Variants in ASIC2 observed in about 807,000 individuals in gnomAD.
ASIC2 encodes acid-sensing ion channel 2.
Under a neutral mutation model 57.3 loss-of-function variants are expected in ASIC2, and 25 were observed. The observed-to-expected ratio is 0.44, with a 90% CI of 0.32 to 0.61. The LOEUF is 0.61. Ranked by LOEUF, ASIC2 falls within the 20% of genes least tolerant of loss-of-function variation. ASIC2 has a pLI of 0.06. For synonymous variants in ASIC2, 319 were observed against 307.5 expected (o/e 1.04, Z -0.39); for missense variants, 641 against 738.1 (o/e 0.87, Z 1.52).
chr17:33,971,918 C>T (rs907719942), intron 1 of ASIC2, among the ~76,000 whole-genome samples: 5 of 152,020 alleles, frequency 3.3e-5, no homozygotes, highest in East Asian at 1.9e-4. Flanking sequence ...AATTCTTCCC[C>T]GAGACTGAGA....
At chr17:33,280,815 C>T (rs894327478) in intron 1 of ASIC2, among the ~76,000 whole-genome samples, 7 of 152,202 alleles carry the variant, frequency 4.6e-5, no homozygotes, top group African/African-American at 1.7e-4. Flanking sequence ...CAAACCTCAT[C>T]TGCTTTCCTG....
At chr17:33,576,021 A>C (rs1916610503) in intron 1 of ASIC2, among the ~76,000 whole-genome samples, 1 of 152,232 alleles carries the variant, frequency 6.6e-6, no homozygotes, top group Admixed American at 6.5e-5. Context: ...ATTGTTTTAA[A>C]TAAAAAACTG....
chr17:34,137,457 C>A (rs1912156545), intron 1 of ASIC2, among the ~76,000 whole-genome samples: 1 of 152,210 alleles, frequency 6.6e-6, no homozygotes, highest in South Asian at 2.1e-4. Context: ...GGTTTGTTAG[C>A]ATGCCAGATA....
In ASIC2 at chr17:33,371,914, A is replaced by G. The variant is rs533924357; in HGVS notation, c.556-259847T>C. On this transcript the variant is annotated intron_variant, in intron 1 of 9. Transcript: ENST00000359872. ...GTATGAATTTGTTTGTGCAGGGCAT[A>G]GGAGCAGACGGTGAGGACAGGGGTA... Among the ~76,000 whole-genome samples the G allele has an allele frequency of 2.6e-5, 4 of 152,262 alleles. No individual in the cohort carries two copies. The South Asian group carries it at 8.3e-4, about 32-fold the overall frequency.
At chr17:33,165,468 T>TGC (rs1176373652) in intron 1 of ASIC2, among the ~76,000 whole-genome samples, 2 of 152,086 alleles carry the variant, frequency 1.3e-5, no homozygotes, top group African/African-American at 2.4e-5. Context: ...TGTGTGTGTG[T>TGC]GCGTGCATGC....
intron 1 of ASIC2, among the ~76,000 whole-genome samples, chr17:33,525,670 A>G (rs572191617): frequency 9.2e-5 from 14 of 152,362 alleles, no homozygotes; most frequent in African/African-American, 2.9e-4. Flanking sequence ...CGGACTGACC[A>G]GCTCCCACAA....
chr17:33,978,049 T>C (rs1220538934), intron 1 of ASIC2, among the ~76,000 whole-genome samples: 1 of 152,086 alleles, frequency 6.6e-6, no homozygotes, highest in East Asian at 1.9e-4. Context: ...CCCTTGAAGG[T>C]GGGGCAGGAA....
At chr17:33,653,886 T>G (rs1906998386) in intron 1 of ASIC2, among the ~76,000 whole-genome samples, 1 of 152,222 alleles carries the variant, frequency 6.6e-6, no homozygotes, top group Non-Finnish European at 1.5e-5. Context: ...TATGCAGGCA[T>G]TGTACAGGAC....
chr17:33,775,526 G>C (rs1252701258), intron 1 of ASIC2, among the ~76,000 whole-genome samples: 1 of 152,186 alleles, frequency 6.6e-6, no homozygotes, highest in Non-Finnish European at 1.5e-5. Context: ...GATAAAGTTT[G>C]AGCTGAGATC....
At chr17:34,144,255 T>G (rs186504627) in intron 1 of ASIC2, among the ~76,000 whole-genome samples, 50 of 152,330 alleles carry the variant, frequency 3.3e-4, no homozygotes, top group African/African-American at 1.2e-3. Context: ...TCAGAAAATG[T>G]TAGCCATTAT....
At chr17:34,067,404 C>T (rs2142065038) in intron 1 of ASIC2, among the ~76,000 whole-genome samples, 1 of 152,104 alleles carries the variant, frequency 6.6e-6, no homozygotes, top group South Asian at 2.1e-4. Flanking sequence ...TTTTTTTGAC[C>T]TATCAAACTG....
chr17:34,026,711 T>C (rs1907392176), intron 1 of ASIC2, among the ~76,000 whole-genome samples: 1 of 152,064 alleles, frequency 6.6e-6, no homozygotes, highest in African/African-American at 2.4e-5. Context: ...ATGCCAAAGG[T>C]GGATGGGATG....
intron 1 of ASIC2, among the ~76,000 whole-genome samples, chr17:33,948,157 C>T (rs975889930): frequency 6.6e-6 from 1 of 152,186 alleles, no homozygotes; most frequent in Non-Finnish European, 1.5e-5. Context: ...GAAGGGAACA[C>T]TCCTGCGTGG....
chr17:33,464,670 C>CCTCTCTCTCTCT (rs757881490), intron 1 of ASIC2, among the ~76,000 whole-genome samples: 4 of 122,782 alleles, frequency 3.3e-5, no homozygotes, highest in African/African-American at 1.3e-4. Context: ...TCTCTCTCTC[C>CCTCTCTCTCTCT]CTCTCTCTCT....
At chr17:34,002,572 C>G (rs192010589) in intron 1 of ASIC2, 1 of 152,340 alleles carries the variant, frequency 6.6e-6, no homozygotes, top group Admixed American at 6.5e-5. Flanking sequence ...CCTCAAAGAG[C>G]TTAATTTCAG....
At chr17:33,995,006 A>G (rs533917230) in intron 1 of ASIC2, among the ~76,000 whole-genome samples, 1 of 152,272 alleles carries the variant, frequency 6.6e-6, no homozygotes, top group South Asian at 2.1e-4. Flanking sequence ...CATCAAAGAA[A>G]TCCTGAGATG....
At chr17:33,741,110 G>A (rs1910098852) in intron 1 of ASIC2, among the ~76,000 whole-genome samples, 1 of 152,192 alleles carries the variant, frequency 6.6e-6, no homozygotes, top group Non-Finnish European at 1.5e-5. Flanking sequence ...CTTCTAGGCA[G>A]GTCAAGGGCA....
intron 1 of ASIC2, among the ~76,000 whole-genome samples, chr17:34,035,770 A>G (rs1461301326): frequency 6.6e-6 from 1 of 152,220 alleles, no homozygotes; most frequent in South Asian, 2.1e-4. Flanking sequence ...CAGCCAAAAC[A>G]CACGTGAAAA....
At chr17:33,613,536 T>C (rs574343258) in intron 1 of ASIC2, among the ~76,000 whole-genome samples, 2 of 148,730 alleles carry the variant, frequency 1.3e-5, no homozygotes, top group Admixed American at 1.3e-4. Context: ...AGCTAATTTT[T>C]TGTGTTTTTT....
Sources: gnomAD v4.1 joint callset for allele counts (sites outside exome capture counted in the v4.1 genomes callset) on GRCh38, gnomAD v4.1.1 for gene constraint, MANE v1.5 for transcripts, NCBI Gene and HGNC (gene_info 2026-07-23, HGNC 2026-07-21) for gene names.